LRRN2: variants seen among roughly 807,000 people sequenced by gnomAD.
LRRN2 encodes the protein leucine-rich repeat neuronal protein 2.
In LRRN2, 10 loss-of-function variants were observed where a neutral mutation model predicts 35.7. The ratio of observed to expected loss-of-function variants is 0.28; its 90% CI spans 0.17 to 0.47. The LOEUF is 0.47. LRRN2 is among the 20% of genes least tolerant of loss of function. The pLI is 0.99. For missense variants in LRRN2, 731 were observed against 940.3 expected, an observed-to-expected ratio of 0.78 and a Z score of 2.91; for synonymous variants, 391 against 409.6, an observed-to-expected ratio of 0.95 and a Z score of 0.55.
At chr1:204,620,601 C>T (rs1666819313) in intron 1 of LRRN2, 1 of 174,078 alleles carries the variant, frequency 5.7e-6, no homozygotes. Context: ...ACTCAACAAG[C>T]CAAAGGAGCT....
chr1:204,643,123 CA>C (rs759371133), intron 1 of LRRN2, among the ~76,000 whole-genome samples: 1 of 152,224 alleles, frequency 6.6e-6, no homozygotes, highest in Non-Finnish European at 1.5e-5. Context: ...TCTTCTAAAA[CA>C]ATTACTTCAT....
chr1:204,658,712 T>C (rs1436815894), intron 1 of LRRN2, among the ~76,000 whole-genome samples: 2 of 152,174 alleles, frequency 1.3e-5, no homozygotes, highest in African/African-American at 4.8e-5. Context: ...TCTCATTGAC[T>C]CCCCTCTTTG....
At chr1:204,648,017 T>G (rs1159269095) in intron 1 of LRRN2, among the ~76,000 whole-genome samples, 1 of 152,234 alleles carries the variant, frequency 6.6e-6, no homozygotes, top group African/African-American at 2.4e-5. Flanking sequence ...AACATACATT[T>G]CTATATTCTG....
chr1:204,636,130 C>A (rs1041789568), intron 1 of LRRN2, among the ~76,000 whole-genome samples: 9 of 152,202 alleles, frequency 5.9e-5, no homozygotes, highest in Non-Finnish European at 7.3e-5. Context: ...CGAGCATCGT[C>A]ATCTCCTCCA....
intron 1 of LRRN2, among the ~76,000 whole-genome samples, chr1:204,667,014 T>G (rs1668587367): frequency 6.9e-6 from 1 of 144,138 alleles, no homozygotes; most frequent in Admixed American, 6.9e-5. Context: ...ACAGACTCAA[T>G]GTTCCCATTT....
chr1:204,677,650 G>A (rs1668853812), intron 1 of LRRN2, among the ~76,000 whole-genome samples: 2 of 152,152 alleles, frequency 1.3e-5, no homozygotes, highest in Non-Finnish European at 1.5e-5. Context: ...CAGAGAACAT[G>A]GCTCCAGACA....
At chr1:204,641,480 G>A (rs1394931651) in intron 1 of LRRN2, among the ~76,000 whole-genome samples, 1 of 152,140 alleles carries the variant, frequency 6.6e-6, no homozygotes, top group Non-Finnish European at 1.5e-5. Context: ...TATGAAATGG[G>A]GATAAAAATA....
At chr1:204,632,574 A>G (rs1248483990) in intron 1 of LRRN2, among the ~76,000 whole-genome samples, 3 of 148,496 alleles carry the variant, frequency 2.0e-5, no homozygotes, top group Non-Finnish European at 3.0e-5. Flanking sequence ...GGTTGCAGTG[A>G]GCTGAGATCA....
intron 1 of LRRN2, among the ~76,000 whole-genome samples, chr1:204,650,895 G>C (rs969311539): frequency 2.6e-5 from 4 of 152,320 alleles, no homozygotes; most frequent in African/African-American, 4.8e-5. Flanking sequence ...ACAGCAGGAG[G>C]GATGGGGCTC....
At chr1:204,627,162 C>A (rs1215313083) in intron 1 of LRRN2, 2 of 152,164 alleles carry the variant, frequency 1.3e-5, no homozygotes, top group East Asian at 3.9e-4. Flanking sequence ...TGTTCCTCAT[C>A]CCATCCTTCT....
chr1:204,660,715 CCTAAATAAGTTG>C (rs1480907715), intron 1 of LRRN2, among the ~76,000 whole-genome samples: 2 of 152,160 alleles, frequency 1.3e-5, no homozygotes, highest in Admixed American at 6.5e-5. Flanking sequence ...CAGGGAGAGG[CCTAAATAAGTTG>C]CACAACTCAG....
At chr1:204,632,276 T>C (rs1347340780) in intron 1 of LRRN2, among the ~76,000 whole-genome samples, 1 of 151,784 alleles carries the variant, frequency 6.6e-6, no homozygotes, top group Non-Finnish European at 1.5e-5. Context: ...CAAAAGGCAA[T>C]AGCTACAACA....
chr1:204,643,481 C>T (rs768410096), intron 1 of LRRN2, among the ~76,000 whole-genome samples: 8 of 152,098 alleles, frequency 5.3e-5, no homozygotes, highest in South Asian at 2.1e-4. Flanking sequence ...CCCCTTTCCA[C>T]GAAGATGACT....
intron 1 of LRRN2, among the ~76,000 whole-genome samples, chr1:204,624,283 A>T (rs1375156505): frequency 6.6e-6 from 1 of 152,196 alleles, no homozygotes; most frequent in East Asian, 1.9e-4. Context: ...GCCTGGAACC[A>T]CAGGGACAAA....
intron 1 of LRRN2, among the ~76,000 whole-genome samples, chr1:204,676,123 C>T (rs1288966324): frequency 6.7e-6 from 1 of 149,614 alleles, no homozygotes; most frequent in Admixed American, 6.7e-5. Flanking sequence ...TATTTCCATG[C>T]AAGGTTACAT....
At chr1:204,673,826 G>C (rs1001886517) in intron 1 of LRRN2, among the ~76,000 whole-genome samples, 3 of 152,018 alleles carry the variant, frequency 2.0e-5, no homozygotes, top group Non-Finnish European at 4.4e-5. Context: ...AAGTGATCTG[G>C]CATTTCATTT....
At chr1:204,631,444 G>C (rs1051814561) in intron 1 of LRRN2, among the ~76,000 whole-genome samples, 9 of 150,108 alleles carry the variant, frequency 6.0e-5, no homozygotes, top group Non-Finnish European at 1.3e-4. Context: ...AAGTATGTGA[G>C]GGCTGCAAAT....
chr1:204,624,536 C>T (rs1351774613), intron 1 of LRRN2, among the ~76,000 whole-genome samples: 1 of 152,152 alleles, frequency 6.6e-6, no homozygotes, highest in Admixed American at 6.5e-5. Context: ...GTGGATTTAG[C>T]GGAAACTGTG....
chr1:204,646,804 G>C (rs1454849092), intron 1 of LRRN2, among the ~76,000 whole-genome samples: 1 of 152,188 alleles, frequency 6.6e-6, no homozygotes, highest in East Asian at 1.9e-4. Flanking sequence ...AATAGGGCTT[G>C]CATTATATTT....
Sources: allele counts gnomAD v4.1 joint callset (sites outside exome capture counted in the v4.1 genomes callset), GRCh38; gene constraint gnomAD v4.1.1; transcripts MANE v1.5; gene names NCBI Gene and HGNC (gene_info 2026-07-23, HGNC 2026-07-21).